Variants in ANO6 observed in about 807,000 individuals in gnomAD.
The protein encoded by ANO6 is anoctamin-6.
ANO6 carries 106 observed loss-of-function variants against 117.5 expected under a neutral mutation model. That is an observed-to-expected ratio of 0.90 (90% CI 0.77 to 1.06). The LOEUF (loss-of-function observed/expected upper bound fraction) is 1.06. Ranked by LOEUF, ANO6 falls within the 50% of genes least tolerant of loss-of-function variation. The pLI is 0.00. For synonymous variants in ANO6, 367 were observed against 385.1 expected (o/e 0.95, Z 0.55); for missense variants, 955 against 1,121.1 (o/e 0.85, Z 2.12).
At chr12:45,380,945 C>T (rs10880779) in intron 10 of ANO6, among the ~76,000 whole-genome samples, 115,585 of 152,072 alleles carry the variant, frequency 0.76, 47,257 homozygotes, top group Non-Finnish European at 0.92. Context: ...CCAGCCTGAG[C>T]GACAGAGTAA....
At chr12:45,366,699 A>G (rs1158634285) in intron 8 of ANO6, among the ~76,000 whole-genome samples, 1 of 152,200 alleles carries the variant, frequency 6.6e-6, no homozygotes, top group Non-Finnish European at 1.5e-5. Flanking sequence ...GGAGATAACT[A>G]ATATCTTTAA....
intron 1 of ANO6, among the ~76,000 whole-genome samples, chr12:45,273,861 G>A (rs997858383): frequency 2.6e-5 from 4 of 152,098 alleles, no homozygotes; most frequent in African/African-American, 9.7e-5. Context: ...TTACTAAGTG[G>A]TCTGAATACA....
chr12:45,300,020 T>A (rs952229354), intron 1 of ANO6, among the ~76,000 whole-genome samples: 59 of 152,126 alleles, frequency 3.9e-4, no homozygotes, highest in Admixed American at 3.3e-3. Context: ...CCTATATGAA[T>A]GTTGAGTTTT....
At chr12:45,374,403 A>C (rs1406032729) in intron 9 of ANO6, among the ~76,000 whole-genome samples, 5 of 96,990 alleles carry the variant, frequency 5.2e-5, no homozygotes, top group African/African-American at 8.8e-5. Context: ...ACAACCAAAA[A>C]AGAGAATTTT....
chr12:45,401,398 A>G (rs1178565355), intron 12 of ANO6, among the ~76,000 whole-genome samples: 1 of 152,218 alleles, frequency 6.6e-6, no homozygotes, highest in Non-Finnish European at 1.5e-5. Context: ...CTTTGGTTCT[A>G]CACTCATTTT....
intron 12 of ANO6, among the ~76,000 whole-genome samples, chr12:45,399,000 G>A (rs1225777547): frequency 1.3e-5 from 2 of 152,102 alleles, no homozygotes; most frequent in Admixed American, 6.5e-5. Context: ...GAAAATTCCA[G>A]GCCTGAGGTA....
At chr12:45,424,480 G>T (rs1185348503) in intron 19 of ANO6, among the ~76,000 whole-genome samples, 3 of 151,814 alleles carry the variant, frequency 2.0e-5, no homozygotes, top group Non-Finnish European at 2.9e-5. Flanking sequence ...TGGGACTACA[G>T]GTGCACACTA....
intron 2 of ANO6, among the ~76,000 whole-genome samples, chr12:45,306,668 A>T (rs1399174614): frequency 6.6e-6 from 1 of 152,160 alleles, no homozygotes; most frequent in African/African-American, 2.4e-5. Context: ...AAGAGTTAAA[A>T]TATTAATTTA....
intron 8 of ANO6, among the ~76,000 whole-genome samples, chr12:45,362,001 TAGAATGAGTTG>T (rs1259400598): frequency 6.6e-6 from 1 of 152,130 alleles, no homozygotes; most frequent in African/African-American, 2.4e-5. Context: ...ACCAGTCGCA[TAGAATGAGTTG>T]AGAAGTGTTC....
rs962810116 is a variant in ANO6 at position 45,373,357 on chromosome 12, A to G, written c.1105-4696A>G. Among the ~76,000 whole-genome samples the G allele has an allele frequency of 2.7e-3, 409 of 151,410 alleles. 2 individuals carry two copies. The highest frequency in any genetic ancestry group is 4.7e-3 in the Non-Finnish European group (316 of 67,446). ...AATTGAACTCAGCTCTGCACCAAGC[A>G]GACCTAATAGACATCTACAGAATTC... On this transcript the variant is annotated intron_variant, in intron 9 of 19. Coordinates refer to ENST00000320560, the MANE Select transcript of ANO6 (RefSeq NM_001025356.3).
At chr12:45,224,072 T>C (rs1429791343) in intron 1 of ANO6, among the ~76,000 whole-genome samples, 4 of 152,204 alleles carry the variant, frequency 2.6e-5, no homozygotes, top group African/African-American at 7.2e-5. Context: ...TGTTCTCTAG[T>C]ACCTCACTGT....
At chr12:45,252,002 C>G (rs1295553316) in intron 1 of ANO6, among the ~76,000 whole-genome samples, 1 of 152,140 alleles carries the variant, frequency 6.6e-6, no homozygotes, top group East Asian at 1.9e-4. Flanking sequence ...ACTTCGTGGC[C>G]CCTCAATCAC....
intron 3 of ANO6, among the ~76,000 whole-genome samples, chr12:45,340,170 T>C (rs564415946): frequency 1.1e-4 from 16 of 152,266 alleles, no homozygotes; most frequent in Non-Finnish European, 1.8e-4. Flanking sequence ...GCTTCCTTAA[T>C]TATGCCAGTC....
chr12:45,348,941 G>T (rs181673885), intron 6 of ANO6, among the ~76,000 whole-genome samples: 1 of 152,248 alleles, frequency 6.6e-6, no homozygotes, highest in East Asian at 1.9e-4. Context: ...TGCCTGCCCT[G>T]CCACTTTCTA....
In ANO6 at chr12:45,291,855, A is replaced by G. The variant is rs75407026; in HGVS notation, c.71-10159A>G. Reference sequence around the variant, plus strand: ...AGTATGTAGAGAAATTAGAACCCTCATACATTGCTGATGGGACTGTAAAAT... The same window carrying G: ...AGTATGTAGAGAAATTAGAACCCTCGTACATTGCTGATGGGACTGTAAAAT... On this transcript the variant is annotated intron_variant, in intron 1 of 19. Transcript: ENST00000320560. Among the ~76,000 whole-genome samples, 1,461 of 152,286 alleles carry G rather than the reference A, an allele frequency of 9.6e-3. 24 individuals are homozygous for G. Among genetic ancestry groups the G allele is most frequent in the African/African-American group, 0.033 (1,374 of 41,544 alleles).
chr12:45,244,710 T>C (rs1486410421), intron 1 of ANO6, among the ~76,000 whole-genome samples: 2 of 152,144 alleles, frequency 1.3e-5, no homozygotes, highest in Non-Finnish European at 2.9e-5. Context: ...TTTCCTGTGC[T>C]GTCATCATCA....
intron 10 of ANO6, among the ~76,000 whole-genome samples, chr12:45,382,659 G>A (rs930441709): frequency 2.0e-5 from 3 of 152,266 alleles, no homozygotes; most frequent in South Asian, 2.1e-4. Flanking sequence ...AAGAAAGCGA[G>A]TATCACAGTA....
intron 16 of ANO6, among the ~76,000 whole-genome samples, chr12:45,411,922 C>T (rs1225003473): frequency 6.6e-6 from 1 of 152,076 alleles, no homozygotes; most frequent in Non-Finnish European, 1.5e-5. Flanking sequence ...AGCGCCAGTG[C>T]CTGGAACCTT....
intron 4 of ANO6, chr12:45,347,322 G>T: frequency 2.2e-6 from 1 of 452,946 alleles, no homozygotes; most frequent in East Asian, 3.2e-5. Context: ...ATGTATGAAT[G>T]ATTATTTTCT....
Sources: gnomAD v4.1 joint callset for allele counts (sites outside exome capture counted in the v4.1 genomes callset) on GRCh38, gnomAD v4.1.1 for gene constraint, MANE v1.5 for transcripts, NCBI Gene and HGNC (gene_info 2026-07-23, HGNC 2026-07-21) for gene names.